The following LMNTD1 variants were observed in gnomAD, a reference collection of about 807,000 sequenced individuals.
LMNTD1 encodes lamin tail domain containing 1.
Under a neutral mutation model 50.9 loss-of-function variants are expected in LMNTD1, and 35 were observed. The ratio of observed to expected loss-of-function variants is 0.69; its 90% CI spans 0.53 to 0.91. The LOEUF (loss-of-function observed/expected upper bound fraction) is 0.91. LMNTD1 is among the 40% of genes least tolerant of loss of function. The probability of loss-of-function intolerance (pLI) is 0.00; values close to 1 mark genes in which losing one functional copy is unlikely to be tolerated. For synonymous variants in LMNTD1, 153 were observed against 161.9 expected, an observed-to-expected ratio of 0.94 and a Z score of 0.42; for missense variants, 470 against 475.5, an observed-to-expected ratio of 0.99 and a Z score of 0.11.
chr12:25,577,829 G>C (rs1025873594), intron 1 of LMNTD1, among the ~76,000 whole-genome samples: 1 of 152,104 alleles, frequency 6.6e-6, no homozygotes, highest in African/African-American at 2.4e-5. Flanking sequence ...TATTTTCTAA[G>C]TTCAGTAAAT....
At chr12:25,525,001 G>A (rs975942472) in intron 6 of LMNTD1, among the ~76,000 whole-genome samples, 4 of 152,010 alleles carry the variant, frequency 2.6e-5, no homozygotes. Flanking sequence ...TTATATTGCA[G>A]CAAAAAAGAA....
chr12:25,499,097 G>A (rs888725222), intron 9 of LMNTD1, among the ~76,000 whole-genome samples: 2 of 152,118 alleles, frequency 1.3e-5, no homozygotes, highest in African/African-American at 4.8e-5. Flanking sequence ...TTTCAGACAG[G>A]GTCTGGCTCT....
chr12:25,480,243 T>A (rs1030700280), intron 9 of LMNTD1, among the ~76,000 whole-genome samples: 1 of 152,252 alleles, frequency 6.6e-6, no homozygotes, highest in Non-Finnish European at 1.5e-5. Flanking sequence ...CTTGAGGGCA[T>A]GCACTCCCAT....
At chr12:25,477,084 C>T (rs968049124) in intron 9 of LMNTD1, among the ~76,000 whole-genome samples, 9 of 152,116 alleles carry the variant, frequency 5.9e-5, no homozygotes, top group African/African-American at 2.2e-4. Flanking sequence ...CCATTAACCT[C>T]CTGAAAGCAG....
intron 4 of LMNTD1, among the ~76,000 whole-genome samples, chr12:25,529,265 C>T (rs1026793698): frequency 6.6e-6 from 1 of 152,174 alleles, no homozygotes; most frequent in Non-Finnish European, 1.5e-5. Flanking sequence ...TTATTTCCCT[C>T]ATTTATCCTT....
intron 6 of LMNTD1, among the ~76,000 whole-genome samples, chr12:25,522,864 A>G (rs778562265): frequency 1.3e-5 from 2 of 152,170 alleles, no homozygotes; most frequent in Non-Finnish European, 2.9e-5. Flanking sequence ...TAGAATAACA[A>G]TTATGTAGTT....
At chr12:25,519,777 T>C (rs925672964) in intron 7 of LMNTD1, 81 bp downstream of exon 7, 6 of 874,392 alleles carry the variant, frequency 6.9e-6, no homozygotes, top group African/African-American at 1.7e-5. Flanking sequence ...ACACATCCAT[T>C]TGTCATCTAG....
At chr12:25,539,857 A>C (rs564236505) in intron 4 of LMNTD1, among the ~76,000 whole-genome samples, 7 of 150,456 alleles carry the variant, frequency 4.7e-5, no homozygotes, top group African/African-American at 9.9e-5. Flanking sequence ...AAGAGAGAAG[A>C]ATCAAATAGA....
At chr12:25,572,013 G>T (rs545698503) in intron 1 of LMNTD1, among the ~76,000 whole-genome samples, 10 of 152,274 alleles carry the variant, frequency 6.6e-5, no homozygotes, top group African/African-American at 2.2e-4. Context: ...GGTGGAGGTG[G>T]CATGAATGGA....
intron 8 of LMNTD1, among the ~76,000 whole-genome samples, chr12:25,514,317 T>C (rs1294207734): frequency 6.6e-6 from 1 of 152,172 alleles, no homozygotes; most frequent in African/African-American, 2.4e-5. Flanking sequence ...CGAAGAAATC[T>C]GAGGTCACTA....
At chr12:25,508,908 G>C (rs1441378686) in intron 8 of LMNTD1, among the ~76,000 whole-genome samples, 2 of 149,262 alleles carry the variant, frequency 1.3e-5, no homozygotes, top group Non-Finnish European at 3.0e-5. Context: ...AGGTTCTCTT[G>C]TGGGTATGGA....
chr12:25,549,805 G>C (rs189524606), intron 2 of LMNTD1, among the ~76,000 whole-genome samples: 24 of 152,120 alleles, frequency 1.6e-4, no homozygotes, highest in Admixed American at 1.2e-3. Context: ...TGTGTAAGTA[G>C]AAAAAAGATA....
intron 1 of LMNTD1, among the ~76,000 whole-genome samples, chr12:25,620,999 T>G (rs953000385): frequency 2.6e-5 from 4 of 152,156 alleles, no homozygotes; most frequent in Non-Finnish European, 5.9e-5. Flanking sequence ...AGGGAAGAGA[T>G]TCAAACCCAG....
At chr12:25,560,143 C>T (rs1944238996) in intron 1 of LMNTD1, among the ~76,000 whole-genome samples, 1 of 152,168 alleles carries the variant, frequency 6.6e-6, no homozygotes, top group South Asian at 2.1e-4. Context: ...ATGGTATTGC[C>T]TAGGTTTTCT....
At chr12:25,494,079 A>G (rs1265466687) in intron 9 of LMNTD1, among the ~76,000 whole-genome samples, 1 of 152,200 alleles carries the variant, frequency 6.6e-6, no homozygotes, top group Non-Finnish European at 1.5e-5. Context: ...TTTTCTGCAT[A>G]GTAGGAGGCA....
chr12:25,601,842 G>A (rs1320972690), intron 1 of LMNTD1, among the ~76,000 whole-genome samples: 1 of 151,476 alleles, frequency 6.6e-6, no homozygotes, highest in African/African-American at 2.4e-5. Context: ...GGGTACATTT[G>A]GTATTTTGAT....
chr12:25,502,761 T>C (rs1458549106), intron 9 of LMNTD1, among the ~76,000 whole-genome samples: 1 of 152,048 alleles, frequency 6.6e-6, no homozygotes, highest in African/African-American at 2.4e-5. Flanking sequence ...ATGGAGAGAG[T>C]GGGCTTGACA....
chr12:25,619,636 G>A (rs1946431960), intron 1 of LMNTD1, among the ~76,000 whole-genome samples: 1 of 152,216 alleles, frequency 6.6e-6, no homozygotes, highest in Non-Finnish European at 1.5e-5. Flanking sequence ...AGGAAAGAAT[G>A]ATCTAAGACT....
At chr12:25,565,771 A>T (rs191717284) in intron 1 of LMNTD1, among the ~76,000 whole-genome samples, 288 of 152,330 alleles carry the variant, frequency 1.9e-3, no homozygotes, top group African/African-American at 6.6e-3. Context: ...CTCACAGGAC[A>T]GATCTGGTGT....
Sources: gnomAD v4.1 joint callset for allele counts (sites outside exome capture counted in the v4.1 genomes callset) on GRCh38, gnomAD v4.1.1 for gene constraint, MANE v1.5 for transcripts, NCBI Gene and HGNC (gene_info 2026-07-23, HGNC 2026-07-21) for gene names.